The following GRPR variants were observed in gnomAD, a reference collection of about 807,000 sequenced individuals.
The protein encoded by GRPR is gastrin-releasing peptide receptor.
In GRPR, 4 loss-of-function variants were observed where a neutral mutation model predicts 15.6. The observed-to-expected ratio is 0.26, with a 90% CI of 0.13 to 0.59. The LOEUF (loss-of-function observed/expected upper bound fraction) is 0.59, where lower values mean the gene tolerates loss of function less well. Among genes scored for constraint, GRPR ranks in the 20% least tolerant of loss-of-function variants. The pLI is 0.90. For missense variants in GRPR, 270 were observed against 304.1 expected (o/e 0.89, Z 0.83); for synonymous variants, 128 against 126.8 (o/e 1.01, Z -0.06).
At chrX:16,138,045 C>T (rs1389432952) in intron 1 of GRPR, among the ~76,000 whole-genome samples, 2 of 111,890 alleles carry the variant, frequency 1.8e-5, no homozygotes, top group African/African-American at 6.5e-5. Context: ...TTTGTTTAAA[C>T]TCTTGTGTAC....
At chrX:16,134,738 C>G (rs760204101) in intron 1 of GRPR, among the ~76,000 whole-genome samples, 1 of 110,753 alleles carries the variant, frequency 9.0e-6, no homozygotes, top group Non-Finnish European at 1.9e-5. Context: ...CCTGGAAGCT[C>G]GGATCAGCTC....
chrX:16,128,374 G>A (rs1480504891), intron 1 of GRPR, among the ~76,000 whole-genome samples: 7 of 110,939 alleles, frequency 6.3e-5, no homozygotes, highest in Non-Finnish European at 1.3e-4. Context: ...AATTAGCCGG[G>A]TGTGGTGGCA....
chrX:16,124,177 C>G lies in GRPR; in HGVS notation c.224C>G (p.Pro75Arg). 1.7e-6 allele frequency: 2 copies of G among 1,210,334 alleles called. No individual in the cohort carries two copies. The highest frequency in any genetic ancestry group is 2.2e-6 in the Non-Finnish European group (2 of 894,256). The change falls in exon 1 of 3, where the codon CCA (proline) becomes CGA (arginine). Residue 75 changes from proline (P) to arginine (R), a missense_variant. Pro to Arg is a moderately radical substitution (Grantham distance 103, BLOSUM62 -2). Coordinates refer to ENST00000380289, the MANE Select transcript of GRPR (RefSeq NM_005314.3). ...ACAGTCAAGTCCATGCGAAACGTTCCAAACCTGTTCATTTCCAGTCTGGCT... is the reference window on the plus strand; with the variant it reads ...ACAGTCAAGTCCATGCGAAACGTTCGAAACCTGTTCATTTCCAGTCTGGCT... ...FCTVKSMRNV[P>R]NLFISSLALG...
chrX:16,127,309 G>C (rs1283925635), intron 1 of GRPR, among the ~76,000 whole-genome samples: 1 of 111,629 alleles, frequency 9.0e-6, no homozygotes, highest in Admixed American at 9.5e-5. Flanking sequence ...AGAATATCAA[G>C]TTTCTAGAAA....
chrX:16,146,451 T>A (rs1188538806), intron 1 of GRPR, among the ~76,000 whole-genome samples: 1 of 111,825 alleles, frequency 8.9e-6, no homozygotes, highest in African/African-American at 3.3e-5. Context: ...TTACTCAGCT[T>A]ATTCATCTTC....
chrX:16,144,029 G>A (rs1473898195), intron 1 of GRPR, among the ~76,000 whole-genome samples: 1 of 111,763 alleles, frequency 8.9e-6, no homozygotes, highest in Non-Finnish European at 1.9e-5. Context: ...TTGGAGCCCA[G>A]AGGAAACTAG....
chrX:16,124,083 C>G lies in GRPR; in HGVS notation c.130C>G (p.Pro44Ala). 8.3e-7 allele frequency: 1 copy of G among 1,209,066 alleles called. No individual in the cohort carries two copies. The highest frequency in any genetic ancestry group is 1.1e-6 in the Non-Finnish European group (1 of 893,226). The change falls in exon 1 of 3, where the codon CCT (proline) becomes GCT (alanine). Residue 44 changes from proline (P) to alanine (A), a missense_variant. Physicochemically the swap from Pro to Ala is conservative, Grantham distance 27 (BLOSUM62 -1). Coordinates refer to ENST00000380289, the MANE Select transcript of GRPR (RefSeq NM_005314.3). ...WSHPGILYVIPAVYGVIILIG... is the reference protein window; with the variant it reads ...WSHPGILYVIAAVYGVIILIG... Reference sequence around the variant, plus strand: ...CCACCCGGGGATCCTCTATGTCATCCCTGCAGTTTATGGGGTTATCATTCT... The same window carrying G: ...CCACCCGGGGATCCTCTATGTCATCGCTGCAGTTTATGGGGTTATCATTCT...
At chrX:16,151,783 C>CT (rs1170167032) in intron 2 of GRPR, among the ~76,000 whole-genome samples, 1 of 112,206 alleles carries the variant, frequency 8.9e-6, no homozygotes, top group Non-Finnish European at 1.9e-5. Context: ...AAGCTGGCTG[C>CT]TCTTTCTGAG....
At chrX:16,126,111 G>A (rs1367917182) in intron 1 of GRPR, among the ~76,000 whole-genome samples, 1 of 111,804 alleles carries the variant, frequency 8.9e-6, no homozygotes, top group Non-Finnish European at 1.9e-5. Flanking sequence ...ACCATCAACA[G>A]AAAGGGAAAG....
chrX:16,135,027 C>T (rs371732796), intron 1 of GRPR, among the ~76,000 whole-genome samples: 1 of 111,540 alleles, frequency 9.0e-6, no homozygotes, highest in East Asian at 2.8e-4. Context: ...TTTAAAGAGG[C>T]ATTCAGAGCT....
At position 16,129,464 on chromosome X, in the gene GRPR, T is replaced by C. The variant is rs188843693; in HGVS notation, c.413+5098T>C. 3.6e-3 allele frequency among the ~76,000 whole-genome samples: 407 copies of C among 111,914 alleles called. 5 individuals carry two copies. Among genetic ancestry groups the C allele is most frequent in the Admixed American group, 0.031 (329 of 10,610 alleles). On this transcript the variant is annotated intron_variant, in intron 1 of 2. Transcript: ENST00000380289. ...GCAGTGGAGACAGAGAACACTTCAG[T>C]CATTGCAGAGGGCTCTATTGGACAG...
chrX:16,127,236 T>A lies in GRPR; in HGVS notation c.413+2870T>A, dbSNP rs138381648. On this transcript the variant is annotated intron_variant, in intron 1 of 2. Coordinates refer to ENST00000380289, the MANE Select transcript of GRPR (RefSeq NM_005314.3). ...ATTGCCCAGCATTGCCAGTCCTCATTCCAGCTTCCCTTCTGCAGTTCCCCC... is the reference window on the plus strand; with the variant it reads ...ATTGCCCAGCATTGCCAGTCCTCATACCAGCTTCCCTTCTGCAGTTCCCCC... Among the ~76,000 whole-genome samples, 653 of 111,666 alleles carry A rather than the reference T, an allele frequency of 5.8e-3. 6 individuals are homozygous for A. The highest frequency in any genetic ancestry group is 0.021 in the African/African-American group (635 of 30,670).
At position 16,152,592 on chromosome X, in the gene GRPR, G is replaced by A. The variant is rs1351631731; in HGVS notation, c.1102G>A (p.Val368Met). The A allele has an allele frequency of 6.6e-6, 8 of 1,208,840 alleles. No individual in the cohort carries two copies. The highest frequency in any genetic ancestry group is 5.3e-5 in the South Asian group (3 of 56,922). Reference sequence around the variant, plus strand: ...CTCCCTCAAGAGTACCAACCCCTCCGTGGCCACCTTTAGCCTCATCAATGG... The same window carrying A: ...CTCCCTCAAGAGTACCAACCCCTCCATGGCCACCTTTAGCCTCATCAATGG... ...MTSLKSTNPS[V>M]ATFSLINGNI... The change falls in exon 3 of 3, where the codon GTG becomes ATG. Residue 368 changes from valine to methionine, a missense_variant. This residue lies in a region of GRPR where 133 missense variants were observed against 123.4 expected (regional missense o/e 1.08). Coordinates refer to ENST00000380289, the MANE Select transcript of GRPR (RefSeq NM_005314.3).
chrX:16,125,814 A>G (rs1179001018), intron 1 of GRPR, among the ~76,000 whole-genome samples: 1 of 111,509 alleles, frequency 9.0e-6, no homozygotes, highest in Non-Finnish European at 1.9e-5. Flanking sequence ...ACATCTGCCC[A>G]CAGATACCAA....
chrX:16,127,559 G>A (rs758014099), intron 1 of GRPR, among the ~76,000 whole-genome samples: 8 of 111,012 alleles, frequency 7.2e-5, no homozygotes, highest in Non-Finnish European at 1.3e-4. Flanking sequence ...TGTCCCACCC[G>A]CTCTCCAGAA....
intron 1 of GRPR, among the ~76,000 whole-genome samples, chrX:16,139,160 T>TG (rs1291674774): frequency 2.7e-5 from 3 of 111,870 alleles, no homozygotes; most frequent in Non-Finnish European, 5.6e-5. Flanking sequence ...TTGTAATTTT[T>TG]GTAATGATGT....
intron 1 of GRPR, among the ~76,000 whole-genome samples, chrX:16,146,860 T>C (rs1922614303): frequency 8.9e-6 from 1 of 112,514 alleles, no homozygotes; most frequent in African/African-American, 3.2e-5. Context: ...CAAAGCTCTC[T>C]TCTGAAAGAA....
intron 1 of GRPR, among the ~76,000 whole-genome samples, chrX:16,137,130 A>T (rs946154580): frequency 8.9e-6 from 1 of 111,820 alleles, no homozygotes; most frequent in African/African-American, 3.2e-5. Flanking sequence ...AAGAAAAGGC[A>T]TACATCTGTG....
intron 1 of GRPR, among the ~76,000 whole-genome samples, chrX:16,129,685 A>G (rs1057466720): frequency 2.7e-5 from 3 of 111,680 alleles, no homozygotes; most frequent in Admixed American, 9.5e-5. Flanking sequence ...GGAAGAAATG[A>G]AGCAGCCCCA....
Sources: gnomAD v4.1 joint callset for allele counts (sites outside exome capture counted in the v4.1 genomes callset) on GRCh38, gnomAD v4.1.1 for gene constraint, gnomAD v4.1.1 regional missense constraint, MANE v1.5 for transcripts, NCBI Gene and HGNC (gene_info 2026-07-23, HGNC 2026-07-21) for gene names.